CENPM: variants seen among roughly 807,000 people sequenced by gnomAD.
The protein encoded by CENPM is centromere protein M.
In CENPM, 14 loss-of-function variants were observed where a neutral mutation model predicts 19.6. That is an observed-to-expected ratio of 0.71 (90% CI 0.47 to 1.11). The LOEUF (loss-of-function observed/expected upper bound fraction) is 1.11, where lower values mean the gene tolerates loss of function less well. Ranked by LOEUF, CENPM falls within the 50% of genes most tolerant of loss-of-function variation. CENPM has a pLI of 0.00. For missense variants in CENPM, 239 were observed against 228.4 expected, an observed-to-expected ratio of 1.05 and a Z score of -0.30; for synonymous variants, 114 against 101.5, an observed-to-expected ratio of 1.12 and a Z score of -0.74.
chr22:41,938,199 T>C (rs1304464672), downstream of CENPM, among the ~76,000 whole-genome samples: 1 of 147,112 alleles, frequency 6.8e-6, no homozygotes. Flanking sequence ...TGGAGTGCAG[T>C]GGTGTAATCT....
chr22:41,939,227 T>G (rs1278019565), intron 5 of CENPM, 31 bp from the exon 6 acceptor site: 1 of 1,586,048 alleles, frequency 6.3e-7, no homozygotes, highest in African/African-American at 1.3e-5. Flanking sequence ...AGCAGTGAGA[T>G]AGAATGCTGG....
downstream of CENPM, among the ~76,000 whole-genome samples, chr22:41,935,274 G>A (rs758486449): frequency 2.0e-4 from 31 of 152,122 alleles, no homozygotes; most frequent in South Asian, 2.1e-4. Flanking sequence ...TGCCCCATGC[G>A]GGCATGGGGG....
chr22:41,938,287 C>G (rs1427562844), downstream of CENPM, among the ~76,000 whole-genome samples: 1 of 149,668 alleles, frequency 6.7e-6, no homozygotes, highest in African/African-American at 2.5e-5. Context: ...GACTACAGGC[C>G]TGCATCACCA....
At chr22:41,938,125 A>C (rs187575358), downstream of CENPM, among the ~76,000 whole-genome samples, 477 of 144,038 alleles carry the variant, frequency 3.3e-3, 2 homozygotes, top group South Asian at 5.7e-3. Flanking sequence ...TATAGGTGGG[A>C]ACCACCGCGC....
downstream of CENPM, among the ~76,000 whole-genome samples, chr22:41,937,156 C>T (rs2077687380): frequency 6.6e-6 from 1 of 152,152 alleles, no homozygotes; most frequent in South Asian, 2.1e-4. Flanking sequence ...CAATTAGACC[C>T]AAGGGAGAAG....
chr22:41,932,359 C>T, the CENPM span, among the ~76,000 whole-genome samples: 1 of 152,192 alleles, frequency 6.6e-6, no homozygotes. The surrounding 1 kb of genome is among the most constrained non-coding windows in gnomAD (Gnocchi z 4.3). Flanking sequence ...GCCACGGAAT[C>T]AGCACAAAGT....
chr22:41,928,278 G>A, the CENPM span: 5 of 206,054 alleles, frequency 2.4e-5, no homozygotes, highest in East Asian at 1.5e-4. This position sits in a 1 kb window ranked among gnomAD's most constrained non-coding sequence, Gnocchi z 4.0. Flanking sequence ...GTCTCACTGC[G>A]GGCCCCTCCT....
In CENPM at chr22:41,945,938, C is replaced by T. The variant is rs1320318697; in HGVS notation, c.205G>A (p.Val69Met). 6.2e-7 allele frequency: 1 copy of T among 1,613,902 alleles called. No individual in the cohort carries two copies. The highest frequency in any genetic ancestry group is 8.5e-7 in the Non-Finnish European group (1 of 1,179,932). The change falls in exon 3 of 6, where the codon GTG becomes ATG. Residue 69 changes from valine (V) to methionine (M), a missense_variant. By Grantham distance (21) the Val-to-Met change is conservative (BLOSUM62 1). Transcript: ENST00000215980. ...NRPRIDLIVF[V>M]VNLHSKYSLQ... The stretch of plus-strand genomic sequence containing the variant: ...CTGTATTTGCTGTGAAGATTAACCA[C>T]AAACACGATCAGGTCAATTCGGGGC...
At chr22:41,945,791 A>C (rs2077793476) in intron 3 of CENPM, 122 bp downstream of exon 3, 1 of 726,600 alleles carries the variant, frequency 1.4e-6, no homozygotes, top group South Asian at 1.8e-5. Context: ...CTCACCTTAC[A>C]GATTGACCTC....
At position 41,943,628 on chromosome 22, in the gene CENPM, C is replaced by T; in HGVS notation, c.384G>A (p.Leu128=). The T allele has an allele frequency of 1.2e-6, 2 of 1,613,816 alleles. No homozygotes were observed. Among genetic ancestry groups the T allele is most frequent in the Non-Finnish European group, 1.7e-6 (2 of 1,179,876 alleles). ...TGCTCACCTCCAGGTCACAGTAGAGCAGGGGGCTTTGATAGGTGTGGGCCA... is the reference window on the plus strand; with the variant it reads ...TGCTCACCTCCAGGTCACAGTAGAGTAGGGGGCTTTGATAGGTGTGGGCCA... ...VKLAHTYQSP[L]LYCDLEVEGF... The change falls in exon 5 of 6, where the codon CTG becomes CTA. Residue 128 remains leucine (L), a synonymous_variant. Transcript: ENST00000215980.
In CENPM at chr22:41,947,095, C is replaced by A. The variant is rs762721418; in HGVS notation, c.-19G>T. On this transcript the variant is annotated 5_prime_UTR_variant, in exon 1 of 6. Coordinates refer to ENST00000215980, the MANE Select transcript of CENPM (RefSeq NM_024053.5). ...CCGACATCACAGCCGCAGGACCAAC[C>A]GTTGCTCCTGCGGTGCGCGCCGATC... 6.2e-7 allele frequency: 1 copy of A among 1,611,950 alleles called. No homozygotes were observed. The highest frequency in any genetic ancestry group is 8.5e-7 in the Non-Finnish European group (1 of 1,179,190).
intron 3 of CENPM, 151 bp from the exon 4 acceptor site, chr22:41,945,455 T>C: frequency 1.4e-6 from 2 of 1,423,940 alleles, no homozygotes; most frequent in Non-Finnish European, 9.2e-7. Flanking sequence ...TAATTTTTTT[T>C]TTTTTTTTTT....
chr22:41,930,896 G>A, the CENPM span, among the ~76,000 whole-genome samples: 1 of 146,864 alleles, frequency 6.8e-6, no homozygotes, highest in Non-Finnish European at 1.5e-5. Flanking sequence ...GAATGCAATG[G>A]CACGATCTTG....
chr22:41,934,462 C>T (rs924706066), downstream of CENPM, among the ~76,000 whole-genome samples: 4 of 152,174 alleles, frequency 2.6e-5, no homozygotes, highest in African/African-American at 9.7e-5. Context: ...GCTGAAGAGG[C>T]GCCGCTTCCA....
chr22:41,938,853 A>T lies in CENPM; in HGVS notation c.*203T>A. The T allele has an allele frequency of 1.8e-6, 1 of 555,898 alleles. No homozygotes were observed. The highest frequency in any genetic ancestry group is 3.2e-6 in the Non-Finnish European group (1 of 317,258). The allele number at this position is 555,898 out of a possible 1,614,324, so 34.4% of individuals were successfully genotyped here. On this transcript the variant is annotated 3_prime_UTR_variant, in exon 6 of 6. Transcript: ENST00000215980. ...CTGCAAGAGTGAGTGTGGGAGTGGG[A>T]GGGGGCTACAGTCTCGCCAGCTGGG...
chr22:41,944,212 C>A (rs371487270), intron 4 of CENPM: 2 of 876,464 alleles, frequency 2.3e-6, no homozygotes, highest in Non-Finnish European at 1.4e-6. Context: ...CTGAGGCAGG[C>A]GGATACCTGA....
intron 4 of CENPM, chr22:41,945,010 T>C (rs866352359): frequency 7.2e-7 from 1 of 1,381,048 alleles, no homozygotes; most frequent in Non-Finnish European, 9.5e-7. Context: ...TGGGGTTTGT[T>C]GTACAGATCA....
chr22:41,939,830 G>GAAAGAAAGAAAGAAAAAGAAGAA (rs1569425773), intron 5 of CENPM, among the ~76,000 whole-genome samples: 1 of 21,432 alleles, frequency 4.7e-5, no homozygotes, highest in African/African-American at 3.6e-4. Context: ...AAGAAAGAAA[G>GAAAGAAAGAAAGAAAAAGAAGAA]AAAGAAAGAA....
intron 2 of CENPM, 169 bp from the exon 3 acceptor site, chr22:41,946,174 G>C (rs946872104): frequency 1.0e-4 from 70 of 688,902 alleles, no homozygotes; most frequent in Non-Finnish European, 1.6e-4. Context: ...GGCAGGACAG[G>C]TCCGGTCCTA....
Sources: gnomAD v4.1 joint callset for allele counts (sites outside exome capture counted in the v4.1 genomes callset) on GRCh38, gnomAD v4.1.1 for gene constraint, Gnocchi (gnomAD v3.1) non-coding constraint, MANE v1.5 for transcripts, NCBI Gene and HGNC (gene_info 2026-07-23, HGNC 2026-07-21) for gene names.